Variants in MSI2 observed in about 807,000 individuals in gnomAD.
MSI2 encodes the protein musashi RNA binding protein 2, also known as RNA-binding protein Musashi homolog 2.
A neutral mutation model predicts 45.6 loss-of-function variants in MSI2; 17 were observed. The observed-to-expected ratio is 0.37, with a 90% confidence interval of 0.26 to 0.56. The LOEUF is 0.56. Among genes scored for constraint, MSI2 ranks in the 20% least tolerant of loss-of-function variants. MSI2 has a pLI of 0.77. For missense variants in MSI2, 293 were observed against 444.2 expected (o/e 0.66, Z 3.06); for synonymous variants, 156 against 158.2 (o/e 0.99, Z 0.11).
In MSI2 at chr17:57,509,331, A is replaced by G. The variant is rs149953523; in HGVS notation, c.406-20345A>G. Among the ~76,000 whole-genome samples, 282 of 152,292 alleles carry G rather than the reference A, an allele frequency of 1.9e-3. 1 individual carries two copies. Among genetic ancestry groups the G allele is most frequent in the African/African-American group, 4.3e-3 (179 of 41,560 alleles). On this transcript the variant is annotated intron_variant, in intron 6 of 13. Coordinates refer to ENST00000284073, the MANE Select transcript of MSI2 (RefSeq NM_138962.4). ...GGGGAGAGTGAGGAAGAATTTATCCAGGGAGAATTTGTGTGCGTTATGCCG... is the reference window on the plus strand; with the variant it reads ...GGGGAGAGTGAGGAAGAATTTATCCGGGGAGAATTTGTGTGCGTTATGCCG...
intron 8 of MSI2, among the ~76,000 whole-genome samples, chr17:57,603,525 T>C (rs755034049): frequency 2.0e-5 from 3 of 152,250 alleles, no homozygotes; most frequent in Non-Finnish European, 4.4e-5. Context: ...CTTTGATACC[T>C]GGAGGTCTCG....
intron 7 of MSI2, among the ~76,000 whole-genome samples, chr17:57,539,351 T>C: frequency 6.6e-6 from 1 of 151,934 alleles, no homozygotes; most frequent in East Asian, 1.9e-4. Context: ...CCAATTTGAA[T>C]TGTCAATGCA....
At chr17:57,333,984 T>A (rs1388568569) in intron 5 of MSI2, among the ~76,000 whole-genome samples, 1 of 152,164 alleles carries the variant, frequency 6.6e-6, no homozygotes, top group Non-Finnish European at 1.5e-5. Context: ...TCTCCATGCC[T>A]TAGTTTCCCT....
intron 5 of MSI2, among the ~76,000 whole-genome samples, chr17:57,303,858 G>A (rs1288384244): frequency 1.3e-5 from 2 of 152,208 alleles, no homozygotes; most frequent in African/African-American, 4.8e-5. Context: ...GTGGTTAATT[G>A]TCAAAGGAAG....
At chr17:57,678,068 T>G (rs990825450) in intron 13 of MSI2, among the ~76,000 whole-genome samples, 2 of 152,186 alleles carry the variant, frequency 1.3e-5, no homozygotes, top group African/African-American at 4.8e-5. Context: ...AGTTGGGATG[T>G]AGGAGAAGCA....
At chr17:57,515,258 C>G (rs567439277) in intron 6 of MSI2, among the ~76,000 whole-genome samples, 1 of 152,304 alleles carries the variant, frequency 6.6e-6, no homozygotes, top group African/African-American at 2.4e-5. Flanking sequence ...GACTGGAGTG[C>G]AATGGCATGA....
chr17:57,436,934 C>T (rs897244082), intron 6 of MSI2, among the ~76,000 whole-genome samples: 1 of 152,140 alleles, frequency 6.6e-6, no homozygotes, highest in Non-Finnish European at 1.5e-5. Flanking sequence ...CTCACCTCTC[C>T]CAGCTGAGAA....
intron 5 of MSI2, among the ~76,000 whole-genome samples, chr17:57,271,997 G>C (rs1908419311): frequency 1.3e-5 from 2 of 152,166 alleles, no homozygotes; most frequent in South Asian, 4.1e-4. Flanking sequence ...GAAAGACCTA[G>C]TGTAGCAAAA....
chr17:57,372,003 C>T (rs1326377302), intron 5 of MSI2, among the ~76,000 whole-genome samples: 1 of 151,376 alleles, frequency 6.6e-6, no homozygotes, highest in African/African-American at 2.4e-5. Context: ...TTGGCCCTCC[C>T]GATAAGGAGA....
At chr17:57,434,808 A>T (rs544597698) in intron 6 of MSI2, among the ~76,000 whole-genome samples, 1 of 151,812 alleles carries the variant, frequency 6.6e-6, no homozygotes, top group African/African-American at 2.4e-5. Flanking sequence ...TTACCCATCG[A>T]TGGGCACTTA....
intron 6 of MSI2, among the ~76,000 whole-genome samples, chr17:57,401,801 G>A (rs1407930003): frequency 2.0e-5 from 3 of 152,140 alleles, no homozygotes; most frequent in Non-Finnish European, 4.4e-5. Context: ...CGCAGGGCAG[G>A]AGCTCCCATG....
chr17:57,697,097 G>C, the MSI2 span, among the ~76,000 whole-genome samples: 2 of 151,012 alleles, frequency 1.3e-5, no homozygotes, highest in East Asian at 3.9e-4. Context: ...GGAAGTACCT[G>C]GTCAGACCCA....
At chr17:57,311,551 T>C (rs1912401858) in intron 5 of MSI2, among the ~76,000 whole-genome samples, 1 of 152,094 alleles carries the variant, frequency 6.6e-6, no homozygotes, top group South Asian at 2.1e-4. Flanking sequence ...AGCCATAGTA[T>C]TGGCTATATA....
intron 5 of MSI2, among the ~76,000 whole-genome samples, chr17:57,307,489 A>T (rs1357793969): frequency 6.7e-6 from 1 of 148,494 alleles, no homozygotes; most frequent in East Asian, 2.0e-4. Flanking sequence ...CAGTGGTGCA[A>T]TCTCAGCCCT....
chr17:57,483,167 T>C (rs1446043344), intron 6 of MSI2, among the ~76,000 whole-genome samples: 1 of 152,176 alleles, frequency 6.6e-6, no homozygotes, highest in Non-Finnish European at 1.5e-5. Flanking sequence ...CCCTCTTGCA[T>C]TGGTTGGAGT....
At chr17:57,316,322 C>CT (rs35543887) in intron 5 of MSI2, among the ~76,000 whole-genome samples, 9,314 of 140,252 alleles carry the variant, frequency 0.066, 425 homozygotes, top group African/African-American at 0.13. Flanking sequence ...GTTATTGCTA[C>CT]TTTTTTTTTT....
At chr17:57,588,285 G>A (rs1363799718) in intron 7 of MSI2, among the ~76,000 whole-genome samples, 1 of 152,178 alleles carries the variant, frequency 6.6e-6, no homozygotes, top group Non-Finnish European at 1.5e-5. Context: ...CTGAGGCTGG[G>A]TGCTGTGTAC....
intron 8 of MSI2, among the ~76,000 whole-genome samples, chr17:57,598,665 T>A (rs1033810333): frequency 1.7e-5 from 2 of 116,754 alleles, no homozygotes; most frequent in Non-Finnish European, 4.0e-5. Context: ...CTACTTGCTA[T>A]TTTTTTTTTT....
At chr17:57,346,901 C>A (rs1915664181) in intron 5 of MSI2, among the ~76,000 whole-genome samples, 1 of 152,138 alleles carries the variant, frequency 6.6e-6, no homozygotes. Flanking sequence ...GCCACTGTGC[C>A]CAGCCAAAGT....
Sources: gnomAD v4.1 joint callset for allele counts (sites outside exome capture counted in the v4.1 genomes callset) on GRCh38, gnomAD v4.1.1 for gene constraint, MANE v1.5 for transcripts, NCBI Gene and HGNC (gene_info 2026-07-23, HGNC 2026-07-21) for gene names.